Variants in XKR9 observed in about 807,000 individuals in gnomAD.
XKR9 encodes the protein XK-related protein 9.
A neutral mutation model predicts 32.0 loss-of-function variants in XKR9; 32 were observed. The observed-to-expected ratio is 1.00, with a 90% CI of 0.76 to 1.34. XKR9 has a LOEUF of 1.34. Ranked by LOEUF, XKR9 falls within the 40% of genes most tolerant of loss-of-function variation. XKR9 has a pLI of 0.00. For missense variants in XKR9, 546 were observed against 429.7 expected (o/e 1.27, Z -2.39); for synonymous variants, 168 against 143.4 (o/e 1.17, Z -1.22).
the XKR9 span, among the ~76,000 whole-genome samples, chr8:70,812,730 C>T: frequency 3.9e-5 from 6 of 152,206 alleles, no homozygotes; most frequent in East Asian, 1.9e-4. Context: ...GAATCCAACT[C>T]ACAAGGGATA....
intron 3 of XKR9, among the ~76,000 whole-genome samples, chr8:70,701,570 C>T (rs1805536352): frequency 1.3e-5 from 2 of 152,126 alleles, no homozygotes; most frequent in African/African-American, 4.8e-5. Context: ...TGGCAGAATA[C>T]TGAGATAGAC....
At chr8:70,906,499 CT>C in the XKR9 span, among the ~76,000 whole-genome samples, 6 of 152,192 alleles carry the variant, frequency 3.9e-5, no homozygotes, top group Middle Eastern at 3.2e-3. Context: ...GTTTATAGAG[CT>C]AGTACCTGTG....
chr8:70,980,433 C>A, the XKR9 span, among the ~76,000 whole-genome samples: 1,195 of 152,334 alleles, frequency 7.8e-3, 6 homozygotes, highest in Non-Finnish European at 0.011. Flanking sequence ...TTTGTTTTGT[C>A]TGATATAAGA....
rs537389754 is a variant in XKR9, at chr8:70,761,235, G to T, written n.353-28104G>T. Among the ~76,000 whole-genome samples the T allele has an allele frequency of 4.6e-5, 7 of 152,276 alleles. No individual in the cohort carries two copies. In the East Asian group the frequency reaches 1.4e-3, roughly 29 times the overall value. On this transcript the variant is annotated intron_variant and non_coding_transcript_variant, in intron 2 of 3. Transcript: ENST00000520273. Reference sequence around the variant, plus strand: ...TAATTTGGGTATATACCCAGTAATGGGATTGCCTGGTTGAATGGTGTTTCT... The same window carrying T: ...TAATTTGGGTATATACCCAGTAATGTGATTGCCTGGTTGAATGGTGTTTCT...
chr8:70,699,037 G>A (rs1282018261), intron 3 of XKR9, among the ~76,000 whole-genome samples: 1 of 151,986 alleles, frequency 6.6e-6, no homozygotes, highest in Non-Finnish European at 1.5e-5. Context: ...CATTTGCTTG[G>A]TAGATCTTCC....
At chr8:71,018,662 G>A in the XKR9 span, among the ~76,000 whole-genome samples, 1 of 152,188 alleles carries the variant, frequency 6.6e-6, no homozygotes, top group Non-Finnish European at 1.5e-5. Flanking sequence ...TTTGAAGAAT[G>A]AGCAGAGCTG....
downstream of XKR9, among the ~76,000 whole-genome samples, chr8:70,740,088 G>A (rs1449876923): frequency 2.0e-5 from 3 of 152,138 alleles, no homozygotes; most frequent in Non-Finnish European, 4.4e-5. Flanking sequence ...CATTCTGCCC[G>A]TCACTTTCAG....
At chr8:70,739,091 G>T (rs1806916608), downstream of XKR9, among the ~76,000 whole-genome samples, 2 of 151,906 alleles carry the variant, frequency 1.3e-5, no homozygotes, top group African/African-American at 4.8e-5. Flanking sequence ...CATTATTATT[G>T]TGTGGGAATC....
At chr8:71,024,592 A>G in the XKR9 span, among the ~76,000 whole-genome samples, 6 of 152,170 alleles carry the variant, frequency 3.9e-5, no homozygotes, top group Non-Finnish European at 7.3e-5. Context: ...AAGCAATACC[A>G]TTATGCAGAC....
the XKR9 span, among the ~76,000 whole-genome samples, chr8:70,889,040 T>A: frequency 9.7e-4 from 148 of 152,098 alleles, no homozygotes; most frequent in African/African-American, 3.5e-3. Flanking sequence ...TTGCTTTTGG[T>A]AGTATGGTAA....
the XKR9 span, among the ~76,000 whole-genome samples, chr8:70,853,529 C>CA: frequency 1.0e-4 from 15 of 150,364 alleles, no homozygotes; most frequent in African/African-American, 3.2e-4. Flanking sequence ...AACAAATGAA[C>CA]AAAAAAAAGA....
At chr8:71,049,357 C>T in the XKR9 span, among the ~76,000 whole-genome samples, 6 of 152,084 alleles carry the variant, frequency 3.9e-5, no homozygotes, top group Non-Finnish European at 8.8e-5. Context: ...TATATATGTA[C>T]ACATATGCAA....
At chr8:70,695,284 G>A (rs1018010745) in intron 3 of XKR9, among the ~76,000 whole-genome samples, 13 of 148,530 alleles carry the variant, frequency 8.8e-5, no homozygotes, top group Admixed American at 2.7e-4. Flanking sequence ...CCATTAACTC[G>A]TCATTTAGCA....
At chr8:70,727,239 T>C (rs1252638921) in intron 4 of XKR9, among the ~76,000 whole-genome samples, 1 of 151,872 alleles carries the variant, frequency 6.6e-6, no homozygotes, top group Admixed American at 6.6e-5. Context: ...GTTAATTTGA[T>C]AAAAATCAAA....
At chr8:71,014,799 G>A in the XKR9 span, among the ~76,000 whole-genome samples, 1 of 152,068 alleles carries the variant, frequency 6.6e-6, no homozygotes, top group African/African-American at 2.4e-5. Flanking sequence ...CTTTAAGTTA[G>A]TCTACTTATA....
the XKR9 span, among the ~76,000 whole-genome samples, chr8:71,062,564 A>C: frequency 6.6e-6 from 1 of 152,206 alleles, no homozygotes; most frequent in Non-Finnish European, 1.5e-5. Context: ...AGTCCCTAGC[A>C]CAGAGAGAGA....
the XKR9 span, among the ~76,000 whole-genome samples, chr8:70,837,370 G>T: frequency 6.6e-6 from 1 of 152,062 alleles, no homozygotes; most frequent in East Asian, 1.9e-4. Context: ...TGCTCTGTAA[G>T]AATAGAAATG....
chr8:70,741,211 ATTAGT>A (rs1381825866), intron 2 of XKR9, among the ~76,000 whole-genome samples: 2 of 152,084 alleles, frequency 1.3e-5, no homozygotes, highest in African/African-American at 2.4e-5. Flanking sequence ...AGTATTTAAG[ATTAGT>A]TTAGATAAGG....
intron 3 of XKR9, among the ~76,000 whole-genome samples, chr8:70,702,255 A>G (rs1805564945): frequency 6.6e-6 from 1 of 152,128 alleles, no homozygotes; most frequent in African/African-American, 2.4e-5. Flanking sequence ...TATGTTGGTT[A>G]TTGATTTCTC....
Sources: allele counts gnomAD v4.1 joint callset (sites outside exome capture counted in the v4.1 genomes callset), GRCh38; gene constraint gnomAD v4.1.1; transcripts MANE v1.5; gene names NCBI Gene and HGNC (gene_info 2026-07-23, HGNC 2026-07-21).